The following NLGN1 variants were observed in gnomAD, a reference collection of about 807,000 sequenced individuals.
The protein encoded by NLGN1 is neuroligin 1.
Under a neutral mutation model 65.5 loss-of-function variants are expected in NLGN1, and 12 were observed. That is an observed-to-expected ratio of 0.18 (90% CI 0.12 to 0.30). NLGN1 has a LOEUF of 0.30. Ranked by LOEUF, NLGN1 falls within the 10% of genes least tolerant of loss-of-function variation. NLGN1 has a pLI of 1.00. For synonymous variants in NLGN1, 350 were observed against 359.5 expected (o/e 0.97, Z 0.30); for missense variants, 750 against 1,007.1 (o/e 0.74, Z 3.46).
chr3:173,984,776 G>T (rs1206820268), intron 4 of NLGN1, among the ~76,000 whole-genome samples: 3 of 152,130 alleles, frequency 2.0e-5, no homozygotes, highest in East Asian at 1.9e-4. Flanking sequence ...GGGTGCAGTG[G>T]CTCACATCCG....
At chr3:174,161,175 C>G (rs1392403521) in intron 4 of NLGN1, among the ~76,000 whole-genome samples, 1 of 150,644 alleles carries the variant, frequency 6.6e-6, no homozygotes, top group Middle Eastern at 3.2e-3. Flanking sequence ...GAAATCAGCT[C>G]CAAATCTGTG....
chr3:173,609,863 G>A (rs1194551178), intron 3 of NLGN1, among the ~76,000 whole-genome samples: 1 of 151,844 alleles, frequency 6.6e-6, no homozygotes, highest in African/African-American at 2.4e-5. Flanking sequence ...AGTGAAAATA[G>A]TTAAAAATAA....
At chr3:173,956,386 T>TTTCCCTTCCTCTTCCTCCTTC (rs1417650734) in intron 4 of NLGN1, among the ~76,000 whole-genome samples, 5 of 152,216 alleles carry the variant, frequency 3.3e-5, no homozygotes, top group African/African-American at 1.2e-4. Context: ...CTTCCTCCTC[T>TTTCCCTTCCTCTTCCTCCTTC]TTCCCTTCCT....
At chr3:174,274,488 A>G (rs1750137837) in intron 4 of NLGN1, among the ~76,000 whole-genome samples, 2 of 151,572 alleles carry the variant, frequency 1.3e-5, no homozygotes, top group South Asian at 4.1e-4. Flanking sequence ...CTGTCAGTTC[A>G]GATCCTTAAA....
At chr3:173,415,943 A>AGAGAGAGAGAGCGCGCGC (rs141095727) in intron 1 of NLGN1, among the ~76,000 whole-genome samples, 1 of 142,828 alleles carries the variant, frequency 7.0e-6, no homozygotes, top group African/African-American at 2.8e-5. Flanking sequence ...AGAGAGAGAG[A>AGAGAGAGAGAGCGCGCGC]GCTTGGTATA....
At chr3:174,029,408 C>G (rs569944001) in intron 4 of NLGN1, among the ~76,000 whole-genome samples, 1 of 152,278 alleles carries the variant, frequency 6.6e-6, no homozygotes, top group African/African-American at 2.4e-5. Context: ...CCTGTAGCCC[C>G]TTTGTTTTGG....
chr3:174,100,557 A>G (rs1712200498), intron 4 of NLGN1, among the ~76,000 whole-genome samples: 1 of 151,770 alleles, frequency 6.6e-6, no homozygotes, highest in African/African-American at 2.4e-5. Context: ...TGTATAACCC[A>G]ACTTCTCCCC....
chr3:173,753,020 G>T (rs1776524813), intron 3 of NLGN1, among the ~76,000 whole-genome samples: 1 of 152,012 alleles, frequency 6.6e-6, no homozygotes, highest in South Asian at 2.1e-4. Flanking sequence ...CCAACTCATG[G>T]ACATTGTTCA....
At position 174,152,613 on chromosome 3, in the gene NLGN1, T is replaced by A. The variant is rs573535256; in HGVS notation, c.647-122702T>A. 2.7e-3 allele frequency among the ~76,000 whole-genome samples: 407 copies of A among 152,078 alleles called. 3 individuals carry two copies. The highest frequency in any genetic ancestry group is 9.4e-3 in the African/African-American group (392 of 41,526). ...ATACATATGTAACAAACCTGCACGC[T>A]GTGCACATGTACCCTAGAACTTAAA... On this transcript the variant is annotated intron_variant, in intron 4 of 6. Coordinates refer to ENST00000457714, the Ensembl canonical transcript of NLGN1.
intron 2 of NLGN1, among the ~76,000 whole-genome samples, chr3:173,494,648 A>G (rs1301815324): frequency 2.6e-5 from 4 of 151,690 alleles, no homozygotes; most frequent in Admixed American, 6.6e-5. Flanking sequence ...TGTTTCTCCA[A>G]TAGCTTTTTA....
intron 3 of NLGN1, among the ~76,000 whole-genome samples, chr3:173,730,635 ATTGT>A (rs879251137): frequency 6.6e-6 from 1 of 152,148 alleles, no homozygotes; most frequent in Admixed American, 6.6e-5. Flanking sequence ...TAATGCCTTG[ATTGT>A]TTGCCTTGTC....
At chr3:173,776,556 G>T (rs548449334) in intron 3 of NLGN1, among the ~76,000 whole-genome samples, 16 of 152,096 alleles carry the variant, frequency 1.1e-4, no homozygotes, top group African/African-American at 3.6e-4. Flanking sequence ...AGGAATATGT[G>T]TGGGAAACTC....
At chr3:173,484,554 TA>T (rs1727845192) in intron 2 of NLGN1, among the ~76,000 whole-genome samples, 1 of 151,778 alleles carries the variant, frequency 6.6e-6, no homozygotes, top group Non-Finnish European at 1.5e-5. Flanking sequence ...CTTAGAATCT[TA>T]ATAAGCAAAA....
intron 2 of NLGN1, among the ~76,000 whole-genome samples, chr3:173,515,236 T>G (rs780150312): frequency 6.6e-6 from 1 of 152,186 alleles, no homozygotes; most frequent in Non-Finnish European, 1.5e-5. Context: ...TTGACTTGTA[T>G]TTCCTCAATT....
intron 4 of NLGN1, among the ~76,000 whole-genome samples, chr3:174,165,836 C>T (rs1310992330): frequency 1.3e-5 from 2 of 151,856 alleles, no homozygotes; most frequent in African/African-American, 4.8e-5. Context: ...TGGTCTGGGG[C>T]TTTCTTAGTT....
chr3:173,828,208 G>A (rs1435425460), intron 4 of NLGN1, among the ~76,000 whole-genome samples: 1 of 152,064 alleles, frequency 6.6e-6, no homozygotes, highest in African/African-American at 2.4e-5. Context: ...CATAATTTGA[G>A]TTGCTGTCAC....
At chr3:173,517,031 G>A (rs1292381638) in intron 2 of NLGN1, among the ~76,000 whole-genome samples, 2 of 150,342 alleles carry the variant, frequency 1.3e-5, no homozygotes, top group Non-Finnish European at 2.9e-5. Flanking sequence ...TATTAGATCT[G>A]CCACTTAGTA....
At chr3:173,408,970 G>A (rs62281608) in intron 1 of NLGN1, among the ~76,000 whole-genome samples, 2 of 150,652 alleles carry the variant, frequency 1.3e-5, no homozygotes, top group African/African-American at 2.4e-5. Context: ...CTCAAAATAC[G>A]CTGGGAATAG....
chr3:173,559,763 T>C (rs1559968140), intron 2 of NLGN1, among the ~76,000 whole-genome samples: 1 of 152,184 alleles, frequency 6.6e-6, no homozygotes, highest in Non-Finnish European at 1.5e-5. Context: ...TTATTTTCTA[T>C]GAATGCTAGA....
Sources: allele counts gnomAD v4.1 joint callset (sites outside exome capture counted in the v4.1 genomes callset), GRCh38; gene constraint gnomAD v4.1.1; transcripts MANE v1.5; gene names NCBI Gene and HGNC (gene_info 2026-07-23, HGNC 2026-07-21).